AGMO: variants seen among roughly 807,000 people sequenced by gnomAD.
The protein encoded by AGMO is alkylglycerol monooxygenase.
Under a neutral mutation model 60.2 loss-of-function variants are expected in AGMO, and 75 were observed. That is an observed-to-expected ratio of 1.25 (90% CI 1.03 to 1.51). The LOEUF (loss-of-function observed/expected upper bound fraction) is 1.51, where lower values mean the gene tolerates loss of function less well. AGMO is among the 40% of genes most tolerant of loss of function. AGMO has a pLI of 0.00. For missense variants in AGMO, 763 were observed against 525.5 expected, an observed-to-expected ratio of 1.45 and a Z score of -4.42; for synonymous variants, 261 against 177.1, an observed-to-expected ratio of 1.47 and a Z score of -3.76.
intron 12 of AGMO, among the ~76,000 whole-genome samples, chr7:15,247,296 G>A (rs1349589147): frequency 2.0e-5 from 3 of 151,864 alleles, no homozygotes; most frequent in South Asian, 4.2e-4. Context: ...TGTTGAAAGT[G>A]GATAATATTT....
At chr7:15,414,908 TAATA>T (rs1170037291) in intron 5 of AGMO, among the ~76,000 whole-genome samples, 2 of 152,130 alleles carry the variant, frequency 1.3e-5, no homozygotes, top group African/African-American at 4.8e-5. Flanking sequence ...TAAGTCTCTA[TAATA>T]AATGGGGCTA....
At chr7:15,430,850 A>G (rs1203666468) in intron 4 of AGMO, among the ~76,000 whole-genome samples, 155 bp downstream of exon 4, 1 of 151,704 alleles carries the variant, frequency 6.6e-6, no homozygotes, top group Non-Finnish European at 1.5e-5. Context: ...TTACAGAAGG[A>G]AAAGAAAGAT....
At chr7:15,322,574 A>G (rs1781171352) in intron 12 of AGMO, among the ~76,000 whole-genome samples, 1 of 49,390 alleles carries the variant, frequency 2.0e-5, no homozygotes. Flanking sequence ...AAATATATAT[A>G]AATATATATA....
chr7:15,547,495 C>T (rs943181957), intron 2 of AGMO, among the ~76,000 whole-genome samples: 3 of 152,110 alleles, frequency 2.0e-5, no homozygotes, highest in Non-Finnish European at 2.9e-5. Context: ...CAAGGCATTG[C>T]CTCACTCGGG....
At chr7:15,306,570 G>A in intron 12 of AGMO, 1 of 312,892 alleles carries the variant, frequency 3.2e-6, no homozygotes, top group African/African-American at 7.1e-5. Context: ...ATATGACTGT[G>A]TAAAAAAAAA....
chr7:15,363,039 A>T lies in AGMO; in HGVS notation c.1263+2475T>A, dbSNP rs144267783. 4.6e-3 allele frequency among the ~76,000 whole-genome samples: 706 copies of T among 152,322 alleles called. 3 individuals carry two copies. Among genetic ancestry groups the T allele is most frequent in the South Asian group, 0.011 (53 of 4,828 alleles). ...TTATGAAGATAATGGAAGTAACTAC[A>T]TCATAGGTTTGATATGAATACTGAA... is the stretch of plus-strand genomic sequence containing the variant. On this transcript the variant is annotated intron_variant, in intron 12 of 12. Coordinates refer to ENST00000342526, the MANE Select transcript of AGMO (RefSeq NM_001004320.2).
the AGMO span, among the ~76,000 whole-genome samples, chr7:15,191,860 T>C: frequency 6.6e-6 from 1 of 152,060 alleles, no homozygotes; most frequent in African/African-American, 2.4e-5. Flanking sequence ...TAAAAGAATT[T>C]TCCTCTCTCT....
chr7:15,138,038 C>A, the AGMO span, among the ~76,000 whole-genome samples: 2 of 152,092 alleles, frequency 1.3e-5, no homozygotes, highest in African/African-American at 2.4e-5. Flanking sequence ...GCTTTCCCCC[C>A]AAATGATACT....
intron 3 of AGMO, among the ~76,000 whole-genome samples, chr7:15,530,285 T>G (rs1275778644): frequency 4.2e-5 from 1 of 24,054 alleles, no homozygotes; most frequent in Non-Finnish European, 7.1e-5. Context: ...TATTTCCATA[T>G]ATATTCTATA....
chr7:15,489,347 AATTAAAAATGTT>A (rs1359050686), intron 3 of AGMO, among the ~76,000 whole-genome samples: 2 of 152,194 alleles, frequency 1.3e-5, no homozygotes, highest in Non-Finnish European at 2.9e-5. Flanking sequence ...AGGAATGTAA[AATTAAAAATGTT>A]ATTAGAAGCA....
At chr7:15,233,564 C>T (rs1366074689) in intron 12 of AGMO, among the ~76,000 whole-genome samples, 1 of 151,128 alleles carries the variant, frequency 6.6e-6, no homozygotes, top group Non-Finnish European at 1.5e-5. Flanking sequence ...TTTTTTTTCC[C>T]CCCTTTGGAT....
chr7:15,451,601 A>G (rs1418734302), intron 3 of AGMO, among the ~76,000 whole-genome samples: 3 of 152,090 alleles, frequency 2.0e-5, no homozygotes, highest in Admixed American at 6.6e-5. Context: ...AATATTTTCT[A>G]TGACCCCTCT....
chr7:15,169,928 C>T, the AGMO span, among the ~76,000 whole-genome samples: 2 of 152,214 alleles, frequency 1.3e-5, no homozygotes, highest in African/African-American at 4.8e-5. Context: ...CTGTAATTCC[C>T]TATTCCATTA....
chr7:15,234,986 G>A (rs137942372), intron 12 of AGMO, among the ~76,000 whole-genome samples: 1 of 151,932 alleles, frequency 6.6e-6, no homozygotes, highest in Admixed American at 6.6e-5. Context: ...CCTACCCTAT[G>A]GTTTTGCTAT....
intron 10 of AGMO, among the ~76,000 whole-genome samples, chr7:15,369,592 A>T (rs757133223): frequency 3.9e-4 from 59 of 152,114 alleles, no homozygotes; most frequent in Non-Finnish European, 6.9e-4. Flanking sequence ...TGTCCCTCCG[A>T]CACAAAATAG....
At chr7:15,195,791 C>T (rs557242342), downstream of AGMO, among the ~76,000 whole-genome samples, 1 of 152,262 alleles carries the variant, frequency 6.6e-6, no homozygotes, top group South Asian at 2.1e-4. Context: ...ACTTCCTTAT[C>T]CTCATAATCT....
chr7:15,246,722 C>A (rs79374511), intron 12 of AGMO, among the ~76,000 whole-genome samples: 166 of 152,230 alleles, frequency 1.1e-3, no homozygotes, highest in Non-Finnish European at 2.0e-3. Context: ...TTGAACCTAG[C>A]ACTTCTCACT....
rs1430342957 is a variant in AGMO, at chr7:15,531,072, T to C, written c.409+13700A>G. On this transcript the variant is annotated intron_variant, in intron 3 of 12. Coordinates refer to ENST00000342526, the MANE Select transcript of AGMO (RefSeq NM_001004320.2). Reference sequence around the variant, plus strand: ...TTCTATATATATTCTGTATATATTCTATATATATTCTATATATATATTCTA... The same window carrying C: ...TTCTATATATATTCTGTATATATTCCATATATATTCTATATATATATTCTA... Among the ~76,000 whole-genome samples, 38 of 76,452 alleles carry C rather than the reference T, an allele frequency of 5.0e-4. 3 individuals are homozygous for C. Among genetic ancestry groups the C allele is most frequent in the African/African-American group, 2.1e-3 (36 of 17,248 alleles). The allele number at this position is 76,452 out of a possible 152,430, so 50.2% of individuals were successfully genotyped here. A position where few individuals can be genotyped will look rare whatever the true frequency, so the allele number is the denominator to read the frequency against.
At position 15,290,623 on chromosome 7, in the gene AGMO, G is replaced by T. The variant is rs184832100; in HGVS notation, c.1263+74891C>A. Among the ~76,000 whole-genome samples, 3 of 152,130 alleles carry T rather than the reference G, an allele frequency of 2.0e-5. No individual in the cohort carries two copies. In the South Asian group the frequency reaches 6.2e-4, roughly 32 times the overall value. ...TACATGTGGTCACATAGAGGAATGG[G>T]CACCAGGCAGTTGGTTTATATCATC... On this transcript the variant is annotated intron_variant, in intron 12 of 12. Coordinates refer to ENST00000342526, the MANE Select transcript of AGMO (RefSeq NM_001004320.2).
Sources: gnomAD v4.1 joint callset for allele counts (sites outside exome capture counted in the v4.1 genomes callset) on GRCh38, gnomAD v4.1.1 for gene constraint, MANE v1.5 for transcripts, NCBI Gene and HGNC (gene_info 2026-07-23, HGNC 2026-07-21) for gene names.